The following PRICKLE2 variants were observed in gnomAD, a reference collection of about 807,000 sequenced individuals.
PRICKLE2 encodes the protein prickle planar cell polarity protein 2.
Under a neutral mutation model 81.4 loss-of-function variants are expected in PRICKLE2, and 21 were observed. The observed-to-expected ratio is 0.26, with a 90% CI of 0.18 to 0.37. The LOEUF is 0.37. Ranked by LOEUF, PRICKLE2 falls within the 10% of genes least tolerant of loss-of-function variation. The probability of loss-of-function intolerance (pLI) is 1.00; values close to 1 mark genes in which losing one functional copy is unlikely to be tolerated. For synonymous variants in PRICKLE2, 456 were observed against 421.5 expected (o/e 1.08, Z -1.00); for missense variants, 940 against 1,109.0 (o/e 0.85, Z 2.16).
intron 7 of PRICKLE2, among the ~76,000 whole-genome samples, chr3:64,144,383 G>C (rs1282252270): frequency 6.6e-6 from 1 of 152,206 alleles, no homozygotes; most frequent in Non-Finnish European, 1.5e-5. Flanking sequence ...TTATGACAAT[G>C]TAATTAAGCA....
At chr3:64,257,214 T>G (rs775753427) in intron 2 of PRICKLE2, among the ~76,000 whole-genome samples, 1 of 152,240 alleles carries the variant, frequency 6.6e-6, no homozygotes, top group African/African-American at 2.4e-5. Flanking sequence ...GTTAAACCAG[T>G]GGTTCCCAAC....
chr3:64,133,798 A>G (rs1452680032), intron 7 of PRICKLE2, among the ~76,000 whole-genome samples: 2 of 152,224 alleles, frequency 1.3e-5, no homozygotes, highest in African/African-American at 4.8e-5. Flanking sequence ...AAGCATTCCT[A>G]GAAATGCAAG....
chr3:64,241,007 C>T (rs550219389), intron 2 of PRICKLE2, among the ~76,000 whole-genome samples: 6 of 152,228 alleles, frequency 3.9e-5, no homozygotes, highest in African/African-American at 9.6e-5. Flanking sequence ...TGGGTCTACA[C>T]CAGAGGTCGA....
intron 2 of PRICKLE2, among the ~76,000 whole-genome samples, chr3:64,247,219 A>G (rs1303485130): frequency 6.6e-6 from 1 of 152,068 alleles, no homozygotes; most frequent in Non-Finnish European, 1.5e-5. Flanking sequence ...AATTATATAT[A>G]TCATACTTTT....
intron 4 of PRICKLE2, 145 bp from the exon 5 acceptor site, chr3:64,157,510 G>T: frequency 2.4e-6 from 2 of 839,082 alleles, no homozygotes; most frequent in Non-Finnish European, 2.0e-6. Context: ...TACACAGGCA[G>T]CAGGGCAGGT....
intron 2 of PRICKLE2, among the ~76,000 whole-genome samples, chr3:64,183,325 A>C (rs926415109): frequency 2.6e-5 from 4 of 152,174 alleles, no homozygotes; most frequent in Non-Finnish European, 5.9e-5. Flanking sequence ...TTCCTGAAAA[A>C]TATTATGTAG....
At chr3:64,154,204 G>A (rs2077590666) in intron 5 of PRICKLE2, 1 of 152,158 alleles carries the variant, frequency 6.6e-6, no homozygotes, top group African/African-American at 2.4e-5. Flanking sequence ...AGAGCCTCAT[G>A]TAAAATAATG....
At chr3:64,209,979 C>G (rs2078759117) in intron 1 of PRICKLE2, among the ~76,000 whole-genome samples, 1 of 152,124 alleles carries the variant, frequency 6.6e-6, no homozygotes, top group Non-Finnish European at 1.5e-5. Flanking sequence ...AGTGAGCACA[C>G]AGGTCCTGAG....
intron 2 of PRICKLE2, among the ~76,000 whole-genome samples, chr3:64,242,614 A>G (rs938437402): frequency 6.6e-6 from 1 of 152,276 alleles, no homozygotes; most frequent in Admixed American, 6.5e-5. Context: ...ACTTCAGTGG[A>G]CGACTTGGCC....
chr3:64,231,368 G>C (rs2079098283), intron 2 of PRICKLE2, among the ~76,000 whole-genome samples: 1 of 152,114 alleles, frequency 6.6e-6, no homozygotes, highest in African/African-American at 2.4e-5. Flanking sequence ...CTAGCAAATG[G>C]TTTTTCCTTA....
chr3:64,166,186 A>G (rs2077830166), intron 2 of PRICKLE2, among the ~76,000 whole-genome samples: 2 of 151,942 alleles, frequency 1.3e-5, no homozygotes, highest in Non-Finnish European at 2.9e-5. Flanking sequence ...CACCTTCTCA[A>G]AGGTTAAGGT....
At chr3:64,262,057 C>T (rs2079622577) in intron 2 of PRICKLE2, among the ~76,000 whole-genome samples, 1 of 152,080 alleles carries the variant, frequency 6.6e-6, no homozygotes, top group Non-Finnish European at 1.5e-5. Context: ...CAGCAAAATC[C>T]ATAGACCTTA....
intron 1 of PRICKLE2, among the ~76,000 whole-genome samples, chr3:64,204,174 T>C (rs2078640241): frequency 6.6e-6 from 1 of 152,010 alleles, no homozygotes; most frequent in South Asian, 2.1e-4. Context: ...ATAACAAGCC[T>C]TTCAATCACA....
At chr3:64,107,987 A>T (rs898691667) in intron 7 of PRICKLE2, among the ~76,000 whole-genome samples, 1 of 152,154 alleles carries the variant, frequency 6.6e-6, no homozygotes, top group Non-Finnish European at 1.5e-5. Context: ...ACATGGAGAA[A>T]ATGGAATTGT....
chr3:64,211,772 G>T (rs2078790493), intron 1 of PRICKLE2, among the ~76,000 whole-genome samples: 1 of 152,226 alleles, frequency 6.6e-6, no homozygotes, highest in Non-Finnish European at 1.5e-5. Flanking sequence ...CTGTGCTACA[G>T]AAGGTTCCTG....
At chr3:64,260,898 G>A (rs1412696093) in intron 2 of PRICKLE2, among the ~76,000 whole-genome samples, 1 of 152,162 alleles carries the variant, frequency 6.6e-6, no homozygotes, top group Non-Finnish European at 1.5e-5. Flanking sequence ...CCATTTGTGG[G>A]AGTTGTAGTA....
In PRICKLE2 at chr3:64,096,835, G is replaced by A. The variant is rs991782238; in HGVS notation, c.*2216C>T. ...GGAGAATTTCTTTCACTGGATTTGG[G>A]GCCACAGAGGACAGACATATTTTCA... On this transcript the variant is annotated 3_prime_UTR_variant, in exon 8 of 8. Coordinates refer to ENST00000638394, the MANE Select transcript of PRICKLE2 (RefSeq NM_198859.4). 1 of 152,560 alleles carries A rather than the reference G, an allele frequency of 6.6e-6. No homozygotes were observed. Among genetic ancestry groups the A allele is most frequent in the Non-Finnish European group, 1.5e-5 (1 of 68,028 alleles). The allele number at this position is 152,560 out of a possible 1,614,324, so 9.5% of individuals were successfully genotyped here.
At chr3:64,122,908 G>A (rs1391551995) in intron 7 of PRICKLE2, among the ~76,000 whole-genome samples, 1 of 152,206 alleles carries the variant, frequency 6.6e-6, no homozygotes, top group Non-Finnish European at 1.5e-5. Flanking sequence ...CTGGAAGAGA[G>A]GGAGGAACTT....
chr3:64,121,719 C>A (rs1488815628), intron 7 of PRICKLE2, among the ~76,000 whole-genome samples: 3 of 152,210 alleles, frequency 2.0e-5, no homozygotes, highest in Non-Finnish European at 2.9e-5. Flanking sequence ...TTGCCGCCCC[C>A]TAGTCCCATG....
Sources: allele counts gnomAD v4.1 joint callset (sites outside exome capture counted in the v4.1 genomes callset), GRCh38; gene constraint gnomAD v4.1.1; transcripts MANE v1.5; gene names NCBI Gene and HGNC (gene_info 2026-07-23, HGNC 2026-07-21).